The following GLCCI1 variants were observed in gnomAD, a reference collection of about 807,000 sequenced individuals.
GLCCI1 encodes glucocorticoid-induced transcript 1 protein.
Under a neutral mutation model 52.2 loss-of-function variants are expected in GLCCI1, and 24 were observed. The observed-to-expected ratio is 0.46, with a 90% confidence interval of 0.33 to 0.65. The LOEUF is 0.65. Ranked by LOEUF, GLCCI1 falls within the 30% of genes least tolerant of loss-of-function variation. The pLI is 0.02. For missense variants in GLCCI1, 704 were observed against 701.5 expected (o/e 1.00, Z -0.04); for synonymous variants, 310 against 276.5 (o/e 1.12, Z -1.20).
At chr7:8,033,667 T>C (rs1454595172) in intron 3 of GLCCI1, among the ~76,000 whole-genome samples, 3 of 152,086 alleles carry the variant, frequency 2.0e-5, no homozygotes. Flanking sequence ...ATTAAAGTGT[T>C]TAGAAATAAT....
At chr7:8,057,159 C>T (rs970638981) in intron 4 of GLCCI1, among the ~76,000 whole-genome samples, 1 of 152,124 alleles carries the variant, frequency 6.6e-6, no homozygotes, top group Non-Finnish European at 1.5e-5. Flanking sequence ...AGAAGTTAAA[C>T]ATATGCTGAC....
intron 6 of GLCCI1, among the ~76,000 whole-genome samples, chr7:8,074,720 T>TAAA (rs1782838641): frequency 6.6e-6 from 1 of 152,188 alleles, no homozygotes; most frequent in South Asian, 2.1e-4. Context: ...ATAATGTATG[T>TAAA]TTTCTACAAT....
At chr7:8,034,173 A>G (rs1285399248) in intron 3 of GLCCI1, among the ~76,000 whole-genome samples, 2 of 152,148 alleles carry the variant, frequency 1.3e-5, no homozygotes, top group African/African-American at 4.8e-5. Flanking sequence ...CTTTTCAACA[A>G]TTGGTGCTAT....
intron 3 of GLCCI1, among the ~76,000 whole-genome samples, chr7:8,023,822 C>T (rs1781553246): frequency 6.6e-6 from 1 of 151,684 alleles, no homozygotes; most frequent in Non-Finnish European, 1.5e-5. Flanking sequence ...TAGTCTCGAA[C>T]TCCTGACCTT....
intron 1 of GLCCI1, chr7:7,981,744 A>C (rs772141838): frequency 3.5e-6 from 1 of 286,832 alleles, no homozygotes; most frequent in Non-Finnish European, 6.9e-6. Flanking sequence ...AAAGTGGGAA[A>C]TACACCAAGA....
chr7:7,985,407 T>C (rs750440201), intron 1 of GLCCI1, among the ~76,000 whole-genome samples: 9 of 152,204 alleles, frequency 5.9e-5, no homozygotes, highest in African/African-American at 1.4e-4. Context: ...CATAATACTT[T>C]AGGTAATTTT....
chr7:8,042,970 T>A (rs1457610949), intron 3 of GLCCI1, among the ~76,000 whole-genome samples: 1 of 152,212 alleles, frequency 6.6e-6, no homozygotes, highest in African/African-American at 2.4e-5. Flanking sequence ...AACTTCACTG[T>A]TATTTTAAGA....
At chr7:8,040,525 A>AACACACACACACACAC (rs58561376) in intron 3 of GLCCI1, among the ~76,000 whole-genome samples, 287 of 145,318 alleles carry the variant, frequency 2.0e-3, no homozygotes, top group South Asian at 5.0e-3. Flanking sequence ...AGATATAATT[A>AACACACACACACACAC]ACACACACAC....
intron 1 of GLCCI1, among the ~76,000 whole-genome samples, chr7:7,970,673 C>G (rs1780332067): frequency 6.6e-6 from 1 of 151,926 alleles, no homozygotes; most frequent in African/African-American, 2.4e-5. Flanking sequence ...TTAGTGTTTT[C>G]TGTTTTGCTT....
chr7:8,044,367 CT>C lies in GLCCI1; in HGVS notation c.697-11051del, dbSNP rs60118378. On this transcript the variant is annotated intron_variant, in intron 3 of 7. Coordinates refer to ENST00000223145, the MANE Select transcript of GLCCI1 (RefSeq NM_138426.4). Reference sequence around the variant, plus strand: ...AGTATTATATCCATTCCTTTTTGTACTTTTTTTTTTTTTTTCTTTTGAGACA... The same window carrying C: ...AGTATTATATCCATTCCTTTTTGTACTTTTTTTTTTTTTTCTTTTGAGACA... Among the ~76,000 whole-genome samples the C allele has an allele frequency of 2.9e-3, 414 of 140,886 alleles. 2 individuals carry two copies. Among genetic ancestry groups the C allele is most frequent in the African/African-American group, 5.7e-3 (217 of 38,404 alleles). The allele number at this position is 140,886 out of a possible 152,430, so 92.4% of individuals were successfully genotyped here.
At chr7:7,981,255 T>G in intron 1 of GLCCI1, 1 of 239,580 alleles carries the variant, frequency 4.2e-6, no homozygotes, top group Non-Finnish European at 7.9e-6. Context: ...TCTTTCTTTC[T>G]TTCTCTTTTT....
At chr7:7,993,284 A>T (rs1290131278) in intron 1 of GLCCI1, among the ~76,000 whole-genome samples, 1 of 152,106 alleles carries the variant, frequency 6.6e-6, no homozygotes, top group African/African-American at 2.4e-5. Flanking sequence ...TTGTAAAATG[A>T]CTTCTAAAAA....
intron 2 of GLCCI1, among the ~76,000 whole-genome samples, chr7:8,015,514 A>G (rs888619836): frequency 1.3e-5 from 2 of 152,178 alleles, no homozygotes; most frequent in East Asian, 1.9e-4. Context: ...ATTATTTTTT[A>G]TGGAGCTGGC....
intron 5 of GLCCI1, among the ~76,000 whole-genome samples, chr7:8,062,639 C>G (rs1438521750): frequency 6.6e-6 from 1 of 152,158 alleles, no homozygotes; most frequent in East Asian, 1.9e-4. Context: ...CTCAAGTAGG[C>G]CCTGATATCT....
intron 1 of GLCCI1, among the ~76,000 whole-genome samples, chr7:7,987,619 G>A (rs894352941): frequency 6.6e-6 from 1 of 152,022 alleles, no homozygotes; most frequent in Non-Finnish European, 1.5e-5. Context: ...ACAGAGTCTC[G>A]CTCTGTTGCC....
chr7:8,023,080 A>G (rs1331492304), intron 3 of GLCCI1, among the ~76,000 whole-genome samples: 3 of 152,140 alleles, frequency 2.0e-5, no homozygotes, highest in African/African-American at 4.8e-5. Flanking sequence ...CGGTGGCGCA[A>G]TCTTGGCTTA....
At chr7:7,993,319 G>C (rs920395614) in intron 1 of GLCCI1, among the ~76,000 whole-genome samples, 3 of 152,070 alleles carry the variant, frequency 2.0e-5, no homozygotes, top group African/African-American at 7.2e-5. Context: ...CTCTCTTCCT[G>C]ACTCCGTTGT....
At chr7:7,991,092 A>G (rs924908720) in intron 1 of GLCCI1, among the ~76,000 whole-genome samples, 4 of 152,116 alleles carry the variant, frequency 2.6e-5, no homozygotes, top group Non-Finnish European at 5.9e-5. Context: ...GCTGGAAATC[A>G]TACCTTACTC....
At chr7:7,992,555 A>G (rs1051599707) in intron 1 of GLCCI1, among the ~76,000 whole-genome samples, 1 of 152,062 alleles carries the variant, frequency 6.6e-6, no homozygotes, top group African/African-American at 2.4e-5. Context: ...TATATTTGAT[A>G]TGTTGATTAT....
Sources: allele counts gnomAD v4.1 joint callset (sites outside exome capture counted in the v4.1 genomes callset), GRCh38; gene constraint gnomAD v4.1.1; transcripts MANE v1.5; gene names NCBI Gene and HGNC (gene_info 2026-07-23, HGNC 2026-07-21).